GFRA3: variants seen among roughly 807,000 people sequenced by gnomAD.
The protein encoded by GFRA3 is GDNF family receptor alpha-3.
GFRA3 carries 24 observed loss-of-function variants against 40.0 expected under a neutral mutation model. The observed-to-expected ratio is 0.60, with a 90% CI of 0.43 to 0.84. The LOEUF (loss-of-function observed/expected upper bound fraction) is 0.84. Ranked by LOEUF, GFRA3 falls within the 40% of genes least tolerant of loss-of-function variation. The pLI, the probability that GFRA3 is intolerant of heterozygous loss-of-function variation, is 0.00. For synonymous variants in GFRA3, 203 were observed against 213.5 expected (o/e 0.95, Z 0.43); for missense variants, 405 against 530.6 (o/e 0.76, Z 2.33).
Position 138,264,425 on chromosome 5 carries a change from C to T in GFRA3, c.215G>A (p.Ser72Asn), listed in dbSNP as rs1755753383. ...AGGCTCCTCTGAGGGCAGTGGGGTG[C>T]TTATGCTAGAGGTGCAGGAATCCAG... is the stretch of plus-strand genomic sequence containing the variant. ...HHLDSCTSSI[S>N]TPLPSEEPSV... is the part of the protein sequence containing the mutation. The change falls in exon 2 of 8, where the codon AGC becomes AAC. Residue 72 changes from serine (S) to asparagine (N), a missense_variant. Coordinates refer to ENST00000274721, the MANE Select transcript of GFRA3 (RefSeq NM_001496.4). 1 of 1,613,984 alleles carries T rather than the reference C, an allele frequency of 6.2e-7. No individual in the cohort carries two copies. The highest frequency in any genetic ancestry group is 8.5e-7 in the Non-Finnish European group (1 of 1,179,988).
At chr5:138,261,765 G>A (rs563866642) in intron 2 of GFRA3, among the ~76,000 whole-genome samples, 3 of 143,962 alleles carry the variant, frequency 2.1e-5, no homozygotes, top group East Asian at 4.2e-4. Context: ...TAAGGTAAAA[G>A]ATAAAACATA....
At position 138,254,044 on chromosome 5, in the gene GFRA3, C is replaced by A. The variant is rs76093287; in HGVS notation, c.889+13G>T. ...GCCAACATAGGGTTCCCTACACATG[C>A]CCCCAGCCTCACCAATCAGCCCCAG... On this transcript the variant is annotated intron_variant, in intron 5 of 7. Coordinates refer to ENST00000274721, the MANE Select transcript of GFRA3 (RefSeq NM_001496.4). 1.9e-6 allele frequency: 3 copies of A among 1,585,164 alleles called. No individual in the cohort carries two copies. Among genetic ancestry groups the A allele is most frequent in the East Asian group, 4.5e-5 (2 of 44,752 alleles).
At chr5:138,261,816 C>G (rs1228995337) in intron 2 of GFRA3, among the ~76,000 whole-genome samples, 2 of 151,714 alleles carry the variant, frequency 1.3e-5, no homozygotes, top group African/African-American at 4.8e-5. Context: ...TACAACTCAG[C>G]CTTGGGGAAA....
rs1471216644 is a variant in GFRA3, at chr5:138,264,422, G to T, written c.218C>A (p.Thr73Asn). ...HLDSCTSSIS[T>N]PLPSEEPSVP... Reference sequence around the variant, plus strand: ...CGAAGGCTCCTCTGAGGGCAGTGGGGTGCTTATGCTAGAGGTGCAGGAATC... The same window carrying T: ...CGAAGGCTCCTCTGAGGGCAGTGGGTTGCTTATGCTAGAGGTGCAGGAATC... The change falls in exon 2 of 8, where the codon ACC (threonine) becomes AAC (asparagine). Residue 73 changes from threonine to asparagine, a missense_variant. Coordinates refer to ENST00000274721, the MANE Select transcript of GFRA3 (RefSeq NM_001496.4). The T allele has an allele frequency of 3.7e-6, 6 of 1,614,130 alleles. No individual in the cohort carries two copies. Among genetic ancestry groups the T allele is most frequent in the Non-Finnish European group, 5.1e-6 (6 of 1,179,976 alleles).
rs755612930 is a variant in GFRA3, at chr5:138,253,281, C to A, written c.1113+6G>T. 8 of 1,558,514 alleles carry A rather than the reference C, an allele frequency of 5.1e-6. No individual in the cohort carries two copies. In the African/African-American group the frequency reaches 1.1e-4, roughly 21 times the overall value. On this transcript the variant is annotated splice_donor_region_variant and intron_variant, in intron 7 of 7. Coordinates refer to ENST00000274721, the MANE Select transcript of GFRA3 (RefSeq NM_001496.4). The stretch of plus-strand genomic sequence containing the variant: ...GGTCTGAGGGGTGTAACAGAGGAGG[C>A]CCTACCTGGTGTGCCATCACAGCAA...
rs552624209 is a variant in GFRA3, at chr5:138,256,365, A to G, written c.785+1274T>C. ...AACACGGTGAAACCCCGTCTCTACT[A>G]AAAATACAAAAATTTAGCCGGGCCT... On this transcript the variant is annotated intron_variant, in intron 4 of 7. Coordinates refer to ENST00000274721, the MANE Select transcript of GFRA3 (RefSeq NM_001496.4). Among the ~76,000 whole-genome samples the G allele has an allele frequency of 4.0e-5, 6 of 151,708 alleles. No homozygotes were observed. In the East Asian group the frequency reaches 9.7e-4, roughly 25 times the overall value.
chr5:138,258,032 C>A (rs139478512), intron 3 of GFRA3, 81 bp from the exon 4 acceptor site: 17,673 of 1,123,514 alleles, frequency 0.016, 208 homozygotes, highest in Non-Finnish European at 0.019. Flanking sequence ...CCCGGAAACC[C>A]CTGATTTGAC....
intron 4 of GFRA3, among the ~76,000 whole-genome samples, chr5:138,257,328 TTATCTGGATAGAAAA>T (rs2126612439): frequency 6.6e-6 from 1 of 152,342 alleles, no homozygotes; most frequent in Admixed American, 6.5e-5. Context: ...TCTACTTTTG[TTATCTGGATAGAAAA>T]TGACTGGAAG....
rs957236624 is a variant in GFRA3, at chr5:138,257,664, G to A, written c.760C>T (p.Leu254Phe). Reference protein sequence around the residue: ...VAPNCLELRRLCFSDPLCRSR... With the variant: ...VAPNCLELRRFCFSDPLCRSR... ...CTGCAAAGCGGGTCGGAGAAGCAGA[G>A]GCGCCGCAGCTCCAGGCAGTTGGGG... The change falls in exon 4 of 8, where the codon CTC becomes TTC. Residue 254 changes from leucine to phenylalanine, a missense_variant. Transcript: ENST00000274721. The A allele has an allele frequency of 5.6e-6, 9 of 1,609,916 alleles. No individual in the cohort carries two copies. The highest frequency in any genetic ancestry group is 7.6e-6 in the Non-Finnish European group (9 of 1,179,156).
chr5:138,265,370 TCA>T (rs1376899014), intron 1 of GFRA3, among the ~76,000 whole-genome samples: 1 of 151,722 alleles, frequency 6.6e-6, no homozygotes, highest in Non-Finnish European at 1.5e-5. Flanking sequence ...GCGTGCGCCA[TCA>T]CACGCCCAGC....
At chr5:138,264,708 C>T (rs929409533) in intron 1 of GFRA3, among the ~76,000 whole-genome samples, 160 bp from the exon 2 acceptor site, 2 of 152,124 alleles carry the variant, frequency 1.3e-5, no homozygotes, top group African/African-American at 4.8e-5. Flanking sequence ...GAGAGAGAAG[C>T]CCAGCAGGAC....
At chr5:138,262,573 C>T (rs564197754) in intron 2 of GFRA3, among the ~76,000 whole-genome samples, 8 of 152,220 alleles carry the variant, frequency 5.3e-5, no homozygotes, top group Non-Finnish European at 1.2e-4. Flanking sequence ...CCACCTCAGC[C>T]TCCCGAGTAG....
At chr5:138,258,522 A>G (rs1368338498) in intron 3 of GFRA3, among the ~76,000 whole-genome samples, 2 of 151,978 alleles carry the variant, frequency 1.3e-5, no homozygotes, top group African/African-American at 2.4e-5. Context: ...AAGAATAATC[A>G]CTATCATCAT....
intron 1 of GFRA3, among the ~76,000 whole-genome samples, chr5:138,271,418 G>C (rs1194069653): frequency 6.6e-6 from 1 of 152,148 alleles, no homozygotes; most frequent in Non-Finnish European, 1.5e-5. Context: ...CAAAGAACTT[G>C]GGGGCCACGT....
chr5:138,253,944 C>G, intron 5 of GFRA3, 44 bp from the exon 6 acceptor site: 1 of 1,602,598 alleles, frequency 6.2e-7, no homozygotes, highest in Non-Finnish European at 8.5e-7. Context: ...CTAACCCTAA[C>G]TTTAGCTCCC....
At chr5:138,262,088 A>G (rs1008409339) in intron 2 of GFRA3, among the ~76,000 whole-genome samples, 1 of 152,222 alleles carries the variant, frequency 6.6e-6, no homozygotes. Context: ...GTTTTCAGAG[A>G]GTTGTACTAC....
Position 138,252,970 on chromosome 5 carries a change from AC to A in GFRA3, c.1200del (p.Trp400CysfsTer24). The part of the protein sequence containing the change: ...TLPLILLLSL[W>X] Reference sequence around the variant, plus strand: ...AAGAGGGCCCTGGGGAAGTCCAGCTACCATAGGCTCAGGAGCAGAATCAAGG... The same window carrying A: ...AAGAGGGCCCTGGGGAAGTCCAGCTACATAGGCTCAGGAGCAGAATCAAGG... On this transcript the variant is annotated frameshift_variant, in exon 8 of 8. Transcript: ENST00000274721. LOFTEE classifies it high-confidence loss of function. 6.3e-7 allele frequency: 1 copy of A among 1,580,476 alleles called. No homozygotes were observed. The highest frequency in any genetic ancestry group is 8.7e-7 in the Non-Finnish European group (1 of 1,150,018).
At chr5:138,266,672 CTTTCTTTTCT>C (rs147567909) in intron 1 of GFRA3, among the ~76,000 whole-genome samples, 52 of 150,448 alleles carry the variant, frequency 3.5e-4, no homozygotes, top group East Asian at 1.8e-3. Context: ...CTTTTTCTTT[CTTTCTTTTCT>C]TTTCTTTTCT....
chr5:138,263,934 G>A (rs916428109), intron 2 of GFRA3, among the ~76,000 whole-genome samples: 6 of 152,122 alleles, frequency 3.9e-5, no homozygotes, highest in Non-Finnish European at 8.8e-5. Context: ...GCCTGTTTAT[G>A]GGTTAAGACT....
Sources: allele counts gnomAD v4.1 joint callset (sites outside exome capture counted in the v4.1 genomes callset), GRCh38; gene constraint gnomAD v4.1.1; transcripts MANE v1.5; gene names NCBI Gene and HGNC (gene_info 2026-07-23, HGNC 2026-07-21).